FAM89A: variants seen among roughly 807,000 people sequenced by gnomAD.
The protein encoded by FAM89A is family with sequence similarity 89 member A.
FAM89A carries 10 observed loss-of-function variants against 7.1 expected under a neutral mutation model. That is an observed-to-expected ratio of 1.40 (90% confidence interval 0.86 to 2.38). The LOEUF is 2.38. Ranked by LOEUF, FAM89A falls within the 30% of genes most tolerant of loss-of-function variation. FAM89A has a pLI of 0.00. For missense variants in FAM89A, 276 were observed against 262.8 expected (o/e 1.05, Z -0.35); for synonymous variants, 157 against 129.3 (o/e 1.21, Z -1.45).
Position 231,021,419 on chromosome 1 carries a change from C to T in FAM89A, c.292-1293G>A, listed in dbSNP as rs879032738. ...AAGGAGCTTCTTCTCTGGAGTGCGCCGGTGGCAGCGCCTGCAGACCTAACT... is the reference window on the plus strand; with the variant it reads ...AAGGAGCTTCTTCTCTGGAGTGCGCTGGTGGCAGCGCCTGCAGACCTAACT... On this transcript the variant is annotated intron_variant, in intron 1 of 1. Coordinates refer to ENST00000366654, the MANE Select transcript of FAM89A (RefSeq NM_198552.3). Among the ~76,000 whole-genome samples, 9 of 152,204 alleles carry T rather than the reference C, an allele frequency of 5.9e-5. No individual in the cohort carries two copies. The East Asian group carries it at 7.7e-4, about 13-fold the overall frequency.
chr1:231,035,138 C>T (rs991295242), intron 1 of FAM89A, among the ~76,000 whole-genome samples: 27 of 152,186 alleles, frequency 1.8e-4, no homozygotes, highest in African/African-American at 6.5e-4. Context: ...CTGTACTCCA[C>T]TGGGGTGTCA....
Position 231,040,025 on chromosome 1 carries a change from C to A in FAM89A, c.187G>T (p.Glu63Ter). Residue 63 changes from glutamate to a stop codon, truncating the protein, a stop_gained, in exon 1 of 2, where the codon GAG (glutamate) becomes TAG (stop). Transcript: ENST00000366654. LOFTEE classifies it high-confidence loss of function. ...LYAQKSRIQD[E>*]LSRGGPGGGG... ...CCGCCCGGGCCCCCGCGGCTCAGCT[C>A]GTCCTGGATGCGCGACTTCTGCGCG... The A allele has an allele frequency of 2.1e-6, 3 of 1,442,128 alleles. No individual in the cohort carries two copies. The highest frequency in any genetic ancestry group is 2.7e-6 in the Non-Finnish European group (3 of 1,100,166). 89.3% of individuals were successfully genotyped at this position (1,442,128 alleles called of 1,614,324 possible).
At chr1:231,020,987 C>T (rs1458358818) in intron 1 of FAM89A, among the ~76,000 whole-genome samples, 1 of 152,204 alleles carries the variant, frequency 6.6e-6, no homozygotes. Flanking sequence ...GCAGCATAGA[C>T]CAGCATCGGT....
At chr1:231,027,191 A>C (rs115189306) in intron 1 of FAM89A, among the ~76,000 whole-genome samples, 1 of 152,210 alleles carries the variant, frequency 6.6e-6, no homozygotes, top group South Asian at 2.1e-4. Context: ...TTCTCCTGAC[A>C]GTGCCATTTC....
At chr1:231,026,118 T>C (rs1679965249) in intron 1 of FAM89A, 1 of 154,246 alleles carries the variant, frequency 6.5e-6, no homozygotes. Context: ...ATTGTTAGTA[T>C]TTCCATGGTT....
intron 1 of FAM89A, among the ~76,000 whole-genome samples, chr1:231,034,742 A>G (rs1021016105): frequency 3.5e-5 from 5 of 142,292 alleles, no homozygotes; most frequent in African/African-American, 7.9e-5. Context: ...ACTGCACTGC[A>G]GCCTGGGCAA....
chr1:231,031,705 T>TA (rs1190505491), intron 1 of FAM89A, among the ~76,000 whole-genome samples: 3 of 152,214 alleles, frequency 2.0e-5, no homozygotes, highest in African/African-American at 7.2e-5. Flanking sequence ...TGCACACTCA[T>TA]ATTGTTTTTT....
chr1:231,031,227 GT>G (rs1230507968), intron 1 of FAM89A, among the ~76,000 whole-genome samples: 3 of 152,144 alleles, frequency 2.0e-5, no homozygotes, highest in African/African-American at 7.2e-5. Flanking sequence ...GTGACGTGCT[GT>G]TTTGGTTGAA....
rs1019237127 is a variant in FAM89A at position 231,039,912 on chromosome 1, C to A, written c.291+9G>T. ...CGGGAAGAGCCCCAGCTCGCGGAGC[C>A]CCACTCACCATCTCTTTGCGGAGCA... On this transcript the variant is annotated intron_variant, in intron 1 of 1. Coordinates refer to ENST00000366654, the MANE Select transcript of FAM89A (RefSeq NM_198552.3). 599 of 1,308,734 alleles carry A rather than the reference C, an allele frequency of 4.6e-4. No homozygotes were observed. Among genetic ancestry groups the A allele is most frequent in the Non-Finnish European group, 5.1e-4 (525 of 1,032,060 alleles). The allele number at this position is 1,308,734 out of a possible 1,614,324, so 81.1% of individuals were successfully genotyped here. A position where few individuals can be genotyped will look rare whatever the true frequency, so the allele number is the denominator to read the frequency against.
At chr1:231,039,004 A>T (rs754648863) in intron 1 of FAM89A, among the ~76,000 whole-genome samples, 1 of 152,200 alleles carries the variant, frequency 6.6e-6, no homozygotes, top group African/African-American at 2.4e-5. Flanking sequence ...GATTGGGAGG[A>T]GGTGATGGGG....
intron 1 of FAM89A, among the ~76,000 whole-genome samples, chr1:231,027,755 C>T (rs1206260682): frequency 6.6e-6 from 1 of 152,196 alleles, no homozygotes; most frequent in African/African-American, 2.4e-5. Context: ...CTGCACAGCC[C>T]CGACTGTCCC....
intron 1 of FAM89A, among the ~76,000 whole-genome samples, chr1:231,025,122 C>A (rs1351277516): frequency 6.6e-6 from 1 of 151,534 alleles, no homozygotes; most frequent in Non-Finnish European, 1.5e-5. Context: ...CGGGGTTTCA[C>A]CGTGTTAGCC....
At chr1:231,023,404 G>A (rs1174902888) in intron 1 of FAM89A, among the ~76,000 whole-genome samples, 1 of 152,234 alleles carries the variant, frequency 6.6e-6, no homozygotes, top group African/African-American at 2.4e-5. Context: ...CACAGGGCCT[G>A]GCGGTGGCTA....
intron 1 of FAM89A, 101 bp downstream of exon 1, chr1:231,039,820 G>T (rs1680227043): frequency 1.7e-6 from 2 of 1,148,152 alleles, no homozygotes; most frequent in Non-Finnish European, 2.2e-6. Context: ...CCGAAAGGGC[G>T]GGTGGGCGCG....
intron 1 of FAM89A, among the ~76,000 whole-genome samples, chr1:231,024,131 T>C (rs186737071): frequency 1.0e-3 from 153 of 152,002 alleles, no homozygotes; most frequent in African/African-American, 3.6e-3. Context: ...TTAAACTACA[T>C]CCATGGATAT....
chr1:231,022,822 G>A (rs567257776), intron 1 of FAM89A, among the ~76,000 whole-genome samples: 37 of 152,288 alleles, frequency 2.4e-4, no homozygotes, highest in African/African-American at 8.9e-4. Flanking sequence ...CTTTTCAGCA[G>A]CCCACCAGAT....
At chr1:231,026,883 T>C (rs1679985290) in intron 1 of FAM89A, 1 of 152,074 alleles carries the variant, frequency 6.6e-6, no homozygotes, top group Non-Finnish European at 1.5e-5. Context: ...GGTCACATAG[T>C]ATGTGCTCAA....
At chr1:231,035,944 C>A (rs1209787255) in intron 1 of FAM89A, among the ~76,000 whole-genome samples, 1 of 152,180 alleles carries the variant, frequency 6.6e-6, no homozygotes, top group East Asian at 1.9e-4. Context: ...CCCAGGCTGG[C>A]CAGGCCACCT....
chr1:231,022,224 G>C, intron 1 of FAM89A: 1 of 913,748 alleles, frequency 1.1e-6, no homozygotes, highest in Non-Finnish European at 1.8e-6. Flanking sequence ...GGACAATCAG[G>C]TTCTCCAGTG....
Sources: allele counts gnomAD v4.1 joint callset (sites outside exome capture counted in the v4.1 genomes callset), GRCh38; gene constraint gnomAD v4.1.1; transcripts MANE v1.5; gene names NCBI Gene and HGNC (gene_info 2026-07-23, HGNC 2026-07-21).